Variants in SPRY3 observed in about 807,000 individuals in gnomAD.
SPRY3 encodes the protein protein sprouty homolog 3.
SPRY3 carries 15 observed loss-of-function variants against 20.2 expected under a neutral mutation model. The observed-to-expected ratio is 0.74, with a 90% CI of 0.50 to 1.14. The LOEUF is 1.14. SPRY3 is among the 50% of genes most tolerant of loss of function. SPRY3 has a pLI of 0.00. For missense variants in SPRY3, 364 were observed against 363.9 expected (o/e 1.00, Z 0.00); for synonymous variants, 143 against 136.5 (o/e 1.05, Z -0.33).
At chrX:155,716,776 G>C (rs141961034) in intron 2 of SPRY3, among the ~76,000 whole-genome samples, 1 of 150,900 alleles carries the variant, frequency 6.6e-6, no homozygotes, top group African/African-American at 2.4e-5. Flanking sequence ...CAAATGATTC[G>C]ACAAAATATG....
chrX:155,765,896 A>T (rs2091325157), intron 2 of SPRY3, among the ~76,000 whole-genome samples: 2 of 152,330 alleles, frequency 1.3e-5, no homozygotes, highest in South Asian at 4.1e-4. Flanking sequence ...GGTTAATTGA[A>T]TTGCCTCAAG....
intron 2 of SPRY3, among the ~76,000 whole-genome samples, chrX:155,693,185 T>A (rs1259612143): frequency 9.0e-6 from 1 of 111,395 alleles, no homozygotes; most frequent in East Asian, 2.8e-4. Context: ...ATATTCATTA[T>A]CATTCATCTC....
intron 2 of SPRY3, among the ~76,000 whole-genome samples, chrX:155,722,930 C>A (rs2091070083): frequency 6.6e-6 from 1 of 151,584 alleles, no homozygotes; most frequent in Non-Finnish European, 1.5e-5. Context: ...TATCCTTCCC[C>A]CAGCCCCCCA....
At chrX:155,754,110 A>G (rs2091274703) in intron 2 of SPRY3, among the ~76,000 whole-genome samples, 1 of 151,872 alleles carries the variant, frequency 6.6e-6, no homozygotes, top group African/African-American at 2.4e-5. Context: ...TAATTTATCT[A>G]TTTCTTCTTT....
intron 1 of SPRY3, among the ~76,000 whole-genome samples, chrX:155,630,924 T>C: frequency 9.0e-6 from 1 of 111,442 alleles, no homozygotes; most frequent in Non-Finnish European, 1.9e-5. Context: ...CCTTTTCTTT[T>C]TTCTCCTTTG....
At chrX:155,750,400 C>T (rs1036840821) in intron 2 of SPRY3, among the ~76,000 whole-genome samples, 6 of 151,690 alleles carry the variant, frequency 4.0e-5, no homozygotes, top group Admixed American at 3.3e-4. Flanking sequence ...ATGTAACAAA[C>T]CTGCACATAT....
intron 1 of SPRY3, among the ~76,000 whole-genome samples, chrX:155,617,542 A>T (rs1352991119): frequency 1.8e-5 from 2 of 111,787 alleles, no homozygotes; most frequent in Non-Finnish European, 3.8e-5. Context: ...CTAGATTCCA[A>T]GCTGAGCTTG....
intron 1 of SPRY3, among the ~76,000 whole-genome samples, chrX:155,616,082 C>G (rs1233831586): frequency 2.0e-5 from 2 of 99,088 alleles, no homozygotes; most frequent in African/African-American, 7.2e-5. Context: ...CCTATTTTTC[C>G]CTGCACATTT....
Position 155,722,655 on chromosome X carries a change from C to T in SPRY3, c.-281-45307C>T, listed in dbSNP as rs780156194. On this transcript the variant is annotated intron_variant, in intron 2 of 3. Coordinates refer to ENST00000675360, the Ensembl canonical transcript of SPRY3. ...AACCAGAAAACAAATAACAAAATGA[C>T]AGGAGTAAGTCCTTACTTATCAAAC... Among the ~76,000 whole-genome samples the T allele has an allele frequency of 3.3e-5, 5 of 152,068 alleles. No individual in the cohort carries two copies. In the South Asian group the frequency reaches 8.3e-4, roughly 25 times the overall value.
intron 1 of SPRY3, among the ~76,000 whole-genome samples, chrX:155,616,134 T>TCTCTCTCTCTCTCCC: frequency 1.7e-5 from 1 of 58,457 alleles, no homozygotes; most frequent in South Asian, 1.2e-3. Context: ...CTCTCTCCTC[T>TCTCTCTCTCTCTCCC]CTCTCTCTCT....
intron 2 of SPRY3, among the ~76,000 whole-genome samples, chrX:155,673,936 A>G (rs1487698814): frequency 9.0e-6 from 1 of 111,414 alleles, no homozygotes; most frequent in East Asian, 2.8e-4. Flanking sequence ...CACAGTGGCT[A>G]TCTTTATTTT....
intron 2 of SPRY3, among the ~76,000 whole-genome samples, chrX:155,711,173 C>T (rs1395298145): frequency 6.6e-6 from 1 of 151,770 alleles, no homozygotes; most frequent in African/African-American, 2.4e-5. Context: ...ACACTGGCAT[C>T]ATAGAATGAG....
At chrX:155,776,123 C>T (rs1446337175) in exon 4 of SPRY3, 1 of 167,072 alleles carries the variant, frequency 6.0e-6, no homozygotes, top group African/African-American at 2.4e-5. Flanking sequence ...AAAGCCATTC[C>T]CATTCAATTA....
At chrX:155,727,042 T>G (rs979974881) in intron 2 of SPRY3, among the ~76,000 whole-genome samples, 3 of 152,136 alleles carry the variant, frequency 2.0e-5, no homozygotes, top group African/African-American at 7.2e-5. Context: ...TAAAGGAGTT[T>G]ATTTCTCCTT....
chrX:155,736,594 C>T (rs1222249056), intron 2 of SPRY3, among the ~76,000 whole-genome samples: 1 of 152,032 alleles, frequency 6.6e-6, no homozygotes, highest in East Asian at 1.9e-4. Flanking sequence ...TTTTCCCCCT[C>T]TGGCTTCCTT....
intron 2 of SPRY3, among the ~76,000 whole-genome samples, chrX:155,755,505 C>A (rs1490044181): frequency 7.8e-4 from 118 of 151,962 alleles, no homozygotes; most frequent in Admixed American, 7.6e-3. Flanking sequence ...CTAAAACATA[C>A]CTTTACCTCT....
intron 2 of SPRY3, among the ~76,000 whole-genome samples, chrX:155,693,229 T>C (rs746498347): frequency 2.1e-4 from 23 of 112,070 alleles, no homozygotes; most frequent in Non-Finnish European, 2.8e-4. Context: ...TAATTTATTA[T>C]TTGACTCATG....
chrX:155,715,876 G>A lies in SPRY3; in HGVS notation c.-281-52086G>A, dbSNP rs775114999. ...GAGTTTAATGTAAATTCCCCCAGTC[G>A]CTGTGCTTGCCCTCCCCAAAGTGCA... is the stretch of plus-strand genomic sequence containing the variant. On this transcript the variant is annotated intron_variant, in intron 2 of 3. Transcript: ENST00000675360. Among the ~76,000 whole-genome samples, 3 of 152,190 alleles carry A rather than the reference G, an allele frequency of 2.0e-5. No homozygotes were observed. In the South Asian group the frequency reaches 6.2e-4, roughly 32 times the overall value.
intron 2 of SPRY3, among the ~76,000 whole-genome samples, chrX:155,711,700 C>A (rs775913515): frequency 7.1e-6 from 1 of 141,636 alleles, no homozygotes; most frequent in East Asian, 2.0e-4. Flanking sequence ...TTTTTTTTTG[C>A]TATTTATTTT....
Sources: allele counts gnomAD v4.1 joint callset (sites outside exome capture counted in the v4.1 genomes callset), GRCh38; gene constraint gnomAD v4.1.1; transcripts MANE v1.5; gene names NCBI Gene and HGNC (gene_info 2026-07-23, HGNC 2026-07-21).